The following KIF1B variants were observed in gnomAD, a reference collection of about 807,000 sequenced individuals.
KIF1B encodes the protein kinesin-like protein KIF1B.
In KIF1B, 76 loss-of-function variants were observed where a neutral mutation model predicts 241.9. That is an observed-to-expected ratio of 0.31 (90% CI 0.26 to 0.38). KIF1B has a LOEUF of 0.38. Among genes scored for constraint, KIF1B ranks in the 10% least tolerant of loss-of-function variants. The pLI is 1.00. For missense variants in KIF1B, 1,622 were observed against 2,271.4 expected (o/e 0.71, Z 5.81); for synonymous variants, 750 against 796.7 (o/e 0.94, Z 0.99).
intron 2 of KIF1B, among the ~76,000 whole-genome samples, chr1:10,240,017 C>T (rs1446485367): frequency 3.3e-5 from 5 of 152,252 alleles, no homozygotes; most frequent in African/African-American, 9.6e-5. Context: ...CAGCCTGCCT[C>T]GGCCTCCCAA....
rs1164178366 is a variant in KIF1B at position 10,273,015 on chromosome 1, A to G, written c.866A>G (p.Asp289Gly). ...GKVISALAEV[D>G]NCTSKSKKKK... Reference sequence around the variant, plus strand: ...TCCTTTAAATGCTTTCACCTGTAGGATAACTGCACTAGCAAGGTACAGTGG... The same window carrying G: ...TCCTTTAAATGCTTTCACCTGTAGGGTAACTGCACTAGCAAGGTACAGTGG... Residue 289 changes from aspartate to glycine, a missense_variant and splice_region_variant, in exon 10 of 49, where the codon GAT becomes GGT. Asp to Gly is a moderately conservative substitution (Grantham distance 94). Transcript: ENST00000676179. The G allele has an allele frequency of 7.1e-6, 11 of 1,546,686 alleles. No homozygotes were observed. In the East Asian group the frequency reaches 2.2e-4, roughly 31 times the overall value.
chr1:10,257,836 C>T (rs867798745), intron 3 of KIF1B, among the ~76,000 whole-genome samples: 271 of 152,168 alleles, frequency 1.8e-3, no homozygotes, highest in Middle Eastern at 0.017. Flanking sequence ...CCACCACACC[C>T]GGCTGATTTT....
At chr1:10,254,825 C>T (rs576164671) in intron 2 of KIF1B, among the ~76,000 whole-genome samples, 4 of 134,708 alleles carry the variant, frequency 3.0e-5, no homozygotes, top group African/African-American at 8.5e-5. Flanking sequence ...TGCAGTGAGC[C>T]GAGATCGTGC....
chr1:10,278,326 T>G (rs534422384), intron 13 of KIF1B, among the ~76,000 whole-genome samples, 198 bp downstream of exon 13: 1 of 152,234 alleles, frequency 6.6e-6, no homozygotes, highest in Admixed American at 6.5e-5. Context: ...TTATGTAATG[T>G]GTACCAGACT....
rs758483036 is a variant in KIF1B at position 10,345,873 on chromosome 1, C to T, written c.3717C>T (p.Ser1239=). 7.4e-6 allele frequency: 12 copies of T among 1,614,116 alleles called. No individual in the cohort carries two copies. In the South Asian group the frequency reaches 1.2e-4, roughly 16 times the overall value. Residue 1239 remains serine (S), a synonymous_variant, in exon 35 of 49, where the codon AGC becomes AGT. Transcript: ENST00000676179. ...CAGCCACCAAGTTAAACACGATGAG[C>T]AAAACCAGCCTTGGCCAGAGCATGA... is the stretch of plus-strand genomic sequence containing the variant. The part of the protein sequence containing the change: ...PVPATKLNTM[S]KTSLGQSMSK...
chr1:10,378,960 C>A lies in KIF1B; in HGVS notation c.*2373C>A. 1 of 232,810 alleles carries A rather than the reference C, an allele frequency of 4.3e-6. No individual in the cohort carries two copies. The highest frequency in any genetic ancestry group is 8.5e-6 in the Non-Finnish European group (1 of 117,958). The allele number at this position is 232,810 out of a possible 1,614,324, so 14.4% of individuals were successfully genotyped here. On this transcript the variant is annotated 3_prime_UTR_variant, in exon 49 of 49. Transcript: ENST00000676179. ...TTTTCTAAGTGGTATGTGAGATTTT[C>A]TAATGTAGTTAGAAGTTTCATTGTC... is the stretch of plus-strand genomic sequence containing the variant.
At chr1:10,235,477 T>C (rs971658795) in intron 2 of KIF1B, among the ~76,000 whole-genome samples, 2 of 152,132 alleles carry the variant, frequency 1.3e-5, no homozygotes, top group Admixed American at 6.5e-5. Flanking sequence ...GGTCTCCTAC[T>C]CCTGAGCTCA....
chr1:10,304,803 T>G (rs565504341), intron 22 of KIF1B: 1 of 1,496,114 alleles, frequency 6.7e-7, no homozygotes, highest in South Asian at 1.3e-5. Context: ...GGTAAAAGTT[T>G]CAACACCTCC....
intron 22 of KIF1B, among the ~76,000 whole-genome samples, chr1:10,316,083 A>C (rs916405101): frequency 1.4e-5 from 2 of 143,268 alleles, no homozygotes; most frequent in Non-Finnish European, 3.0e-5. Context: ...AAAGCTATGA[A>C]GGGGCCAGGC....
chr1:10,250,438 AAGC>A (rs1211528842), intron 2 of KIF1B, among the ~76,000 whole-genome samples: 2 of 151,260 alleles, frequency 1.3e-5, no homozygotes, highest in Admixed American at 1.3e-4. Context: ...TTCTGGTTTC[AAGC>A]AGATCTCTTG....
At chr1:10,277,077 C>T (rs1460696744) in intron 12 of KIF1B, among the ~76,000 whole-genome samples, 1 of 143,458 alleles carries the variant, frequency 7.0e-6, no homozygotes, top group Non-Finnish European at 1.5e-5. Context: ...GAGACTCCAT[C>T]TCAAAAAAAA....
chr1:10,362,728 C>A (rs1213902046), intron 40 of KIF1B, among the ~76,000 whole-genome samples: 1 of 151,932 alleles, frequency 6.6e-6, no homozygotes, highest in Non-Finnish European at 1.5e-5. Flanking sequence ...TTTAAATTTT[C>A]TAGTTTATCA....
intron 2 of KIF1B, among the ~76,000 whole-genome samples, chr1:10,255,398 TG>T (rs1647716279): frequency 6.6e-6 from 1 of 151,004 alleles, no homozygotes; most frequent in African/African-American, 2.4e-5. Flanking sequence ...GAGACCAGCC[TG>T]GCCAACATGG....
At chr1:10,226,364 G>GTGTA (rs1446709461) in intron 1 of KIF1B, among the ~76,000 whole-genome samples, 1 of 152,132 alleles carries the variant, frequency 6.6e-6, no homozygotes, top group Non-Finnish European at 1.5e-5. Context: ...AAATGTATGT[G>GTGTA]TGTATGTATG....
chr1:10,276,484 C>G (rs1025600478), intron 12 of KIF1B, 85 bp downstream of exon 12: 6 of 877,814 alleles, frequency 6.8e-6, no homozygotes, highest in East Asian at 2.6e-5. Context: ...TTTATGCTAT[C>G]TGGGTAGTTA....
chr1:10,324,136 A>C (rs540474591), intron 25 of KIF1B, 74 bp downstream of exon 25: 1 of 1,404,364 alleles, frequency 7.1e-7, no homozygotes, highest in Admixed American at 1.7e-5. Context: ...AGCTCCCTCC[A>C]GCTCTCCTCT....
At chr1:10,222,145 A>AG (rs796096769) in intron 1 of KIF1B, among the ~76,000 whole-genome samples, 60 of 152,372 alleles carry the variant, frequency 3.9e-4, no homozygotes, top group African/African-American at 1.4e-3. Flanking sequence ...TATGGAGCAA[A>AG]GGAAAAAAAA....
In KIF1B at chr1:10,338,558, A is replaced by G. The variant is rs140087145; in HGVS notation, c.3422+1025A>G. On this transcript the variant is annotated intron_variant, in intron 31 of 48. Transcript: ENST00000676179. ...CTGTTGCTATTATTCTAATCAGGCA[A>G]CTGATACGTTTTATGGAAAACATCT... is the stretch of plus-strand genomic sequence containing the variant. 8.5e-5 allele frequency among the ~76,000 whole-genome samples: 13 copies of G among 152,338 alleles called. No individual in the cohort carries two copies. In the East Asian group the frequency reaches 2.3e-3, roughly 27 times the overall value.
At chr1:10,225,820 G>A (rs1646901843) in intron 1 of KIF1B, among the ~76,000 whole-genome samples, 1 of 152,108 alleles carries the variant, frequency 6.6e-6, no homozygotes, top group Non-Finnish European at 1.5e-5. Flanking sequence ...CACTTTGAAT[G>A]CCATTGTGGG....
Sources: allele counts gnomAD v4.1 joint callset (sites outside exome capture counted in the v4.1 genomes callset), GRCh38; gene constraint gnomAD v4.1.1; transcripts MANE v1.5; gene names NCBI Gene and HGNC (gene_info 2026-07-23, HGNC 2026-07-21).